DAB1: variants seen among roughly 807,000 people sequenced by gnomAD.
The protein encoded by DAB1 is disabled homolog 1.
DAB1 carries 15 observed loss-of-function variants against 64.6 expected under a neutral mutation model. The observed-to-expected ratio is 0.23, with a 90% confidence interval of 0.16 to 0.36. DAB1 has a LOEUF of 0.36. Among genes scored for constraint, DAB1 ranks in the 10% least tolerant of loss-of-function variants. The pLI is 1.00. For missense variants in DAB1, 596 were observed against 706.7 expected, an observed-to-expected ratio of 0.84 and a Z score of 1.78; for synonymous variants, 235 against 251.9, an observed-to-expected ratio of 0.93 and a Z score of 0.64.
chr1:57,080,347 T>G (rs2100623636), intron 4 of DAB1, among the ~76,000 whole-genome samples: 1 of 152,336 alleles, frequency 6.6e-6, no homozygotes, highest in East Asian at 1.9e-4. Flanking sequence ...TGAACTCCAC[T>G]GACTCCCTAT....
intron 5 of DAB1, among the ~76,000 whole-genome samples, chr1:58,105,305 T>C (rs1479817519): frequency 6.6e-6 from 1 of 152,186 alleles, no homozygotes; most frequent in African/African-American, 2.4e-5. Flanking sequence ...CAAGACCCCA[T>C]CTGTAAACAC....
intron 6 of DAB1, among the ~76,000 whole-genome samples, chr1:57,790,830 A>G (rs1028710978): frequency 6.6e-5 from 10 of 152,188 alleles, no homozygotes; most frequent in African/African-American, 2.4e-4. Context: ...GGGTTCCTCA[A>G]TAAACTGGTT....
At chr1:58,007,821 T>C (rs1320197463) in intron 5 of DAB1, among the ~76,000 whole-genome samples, 1 of 152,158 alleles carries the variant, frequency 6.6e-6, no homozygotes, top group Admixed American at 6.6e-5. Flanking sequence ...AAAATACTAA[T>C]GACATAGAAA....
At chr1:58,234,377 G>C (rs1557707350) in intron 4 of DAB1, among the ~76,000 whole-genome samples, 1 of 152,196 alleles carries the variant, frequency 6.6e-6, no homozygotes. Context: ...GACATGAGGG[G>C]AAAAATGCAG....
At chr1:57,107,489 A>C (rs1655278396) in intron 4 of DAB1, among the ~76,000 whole-genome samples, 1 of 152,002 alleles carries the variant, frequency 6.6e-6, no homozygotes, top group African/African-American at 2.4e-5. Context: ...GAGAACCAGC[A>C]CTCAAGGAGC....
intron 6 of DAB1, among the ~76,000 whole-genome samples, chr1:57,731,051 A>G (rs1316326694): frequency 6.6e-6 from 1 of 152,238 alleles, no homozygotes; most frequent in East Asian, 1.9e-4. Context: ...CACAGGAACT[A>G]AAAGGTGGAA....
chr1:58,137,877 C>G (rs920599797), intron 5 of DAB1, among the ~76,000 whole-genome samples: 23 of 152,228 alleles, frequency 1.5e-4, no homozygotes, highest in African/African-American at 5.5e-4. Flanking sequence ...TAGGTTTCAG[C>G]TGGAAGTGCT....
At chr1:57,974,723 A>G (rs1235323915) in intron 5 of DAB1, among the ~76,000 whole-genome samples, 4 of 152,126 alleles carry the variant, frequency 2.6e-5, no homozygotes, top group African/African-American at 7.2e-5. Context: ...TCTTGCACAT[A>G]TATCTTCCAT....
intron 2 of DAB1, among the ~76,000 whole-genome samples, chr1:58,510,143 A>C (rs1433184021): frequency 2.9e-5 from 4 of 135,964 alleles, no homozygotes; most frequent in Non-Finnish European, 3.2e-5. Flanking sequence ...TTATGAGGCC[A>C]GCCATTACCC....
intron 6 of DAB1, among the ~76,000 whole-genome samples, chr1:57,687,904 T>G (rs1646720045): frequency 6.6e-6 from 1 of 152,234 alleles, no homozygotes; most frequent in South Asian, 2.1e-4. Context: ...TTTCAGCATA[T>G]ACAAAAATTA....
intron 7 of DAB1, among the ~76,000 whole-genome samples, chr1:57,565,222 C>A (rs1369270050): frequency 6.6e-6 from 1 of 152,124 alleles, no homozygotes; most frequent in Admixed American, 6.5e-5. Flanking sequence ...CAAGCAAATG[C>A]TGAGAGATTT....
At chr1:57,556,221 T>A (rs1570623297) in intron 7 of DAB1, among the ~76,000 whole-genome samples, 2 of 152,322 alleles carry the variant, frequency 1.3e-5, no homozygotes, top group East Asian at 3.9e-4. Context: ...CAATTGTGAA[T>A]TGTGCTGCTG....
intron 5 of DAB1, among the ~76,000 whole-genome samples, chr1:57,936,650 G>T (rs571026316): frequency 6.6e-6 from 1 of 151,892 alleles, no homozygotes; most frequent in Non-Finnish European, 1.5e-5. Flanking sequence ...TGATCCATTT[G>T]CCTCAGCCTC....
chr1:57,676,670 C>G (rs916725181), intron 6 of DAB1, among the ~76,000 whole-genome samples: 2 of 152,160 alleles, frequency 1.3e-5, no homozygotes, highest in Non-Finnish European at 2.9e-5. Context: ...TGATATGCCT[C>G]AAAATTACAT....
intron 3 of DAB1, among the ~76,000 whole-genome samples, chr1:58,492,590 A>G (rs554751342): frequency 3.1e-4 from 47 of 152,336 alleles, no homozygotes; most frequent in African/African-American, 1.1e-3. Context: ...GGATATCACC[A>G]CCGATCCCAC....
In DAB1 at chr1:57,253,492, C is replaced by T. The variant is rs1187313360; in HGVS notation, c.67+37472G>A. ...TTCCCCAGCAAGGGCCCAAATCACA[C>T]AGTGGCAGACAGGGTAGGAAGGAGG... is the stretch of plus-strand genomic sequence containing the variant. On this transcript the variant is annotated intron_variant, in intron 2 of 14. Transcript: ENST00000371236. 2.6e-5 allele frequency among the ~76,000 whole-genome samples: 4 copies of T among 152,246 alleles called. No homozygotes were observed. In the East Asian group the frequency reaches 7.8e-4, roughly 30 times the overall value.
At chr1:57,341,004 C>T (rs1467570592) in intron 1 of DAB1, among the ~76,000 whole-genome samples, 2 of 152,188 alleles carry the variant, frequency 1.3e-5, no homozygotes, top group Non-Finnish European at 2.9e-5. Context: ...TGGGTTTTGA[C>T]TGGCAGCCAG....
intron 4 of DAB1, among the ~76,000 whole-genome samples, chr1:58,334,646 C>CATATT (rs1557734074): frequency 7.3e-6 from 1 of 137,808 alleles, no homozygotes; most frequent in African/African-American, 2.7e-5. Context: ...CATATCATAT[C>CATATT]ATATCATATT....
intron 2 of DAB1, among the ~76,000 whole-genome samples, chr1:57,158,787 T>C (rs1017683488): frequency 1.3e-5 from 2 of 152,236 alleles, no homozygotes; most frequent in African/African-American, 4.8e-5. Context: ...TGTGTTTTTA[T>C]GAACATGGTT....
Sources: allele counts gnomAD v4.1 joint callset (sites outside exome capture counted in the v4.1 genomes callset), GRCh38; gene constraint gnomAD v4.1.1; transcripts MANE v1.5; gene names NCBI Gene and HGNC (gene_info 2026-07-23, HGNC 2026-07-21).